PRKAG2: variants seen among roughly 807,000 people sequenced by gnomAD.
PRKAG2 encodes the protein 5'-AMP-activated protein kinase subunit gamma-2.
A neutral mutation model predicts 69.6 loss-of-function variants in PRKAG2; 26 were observed. That is an observed-to-expected ratio of 0.37 (90% CI 0.27 to 0.52). The LOEUF is 0.52. Among genes scored for constraint, PRKAG2 ranks in the 20% least tolerant of loss-of-function variants. PRKAG2 has a pLI of 0.90. For missense variants in PRKAG2, 557 were observed against 740.0 expected, an observed-to-expected ratio of 0.75 and a Z score of 2.87; for synonymous variants, 293 against 285.0, an observed-to-expected ratio of 1.03 and a Z score of -0.28.
At chr7:151,786,444 A>T (rs747048898) in intron 2 of PRKAG2, 26 bp downstream of exon 2, 1 of 1,594,500 alleles carries the variant, frequency 6.3e-7, no homozygotes, top group Non-Finnish European at 8.6e-7. Flanking sequence ...GTGAGCTGTG[A>T]GAAACTTCTG....
At chr7:151,704,955 C>T (rs570672880) in intron 3 of PRKAG2, among the ~76,000 whole-genome samples, 3 of 152,270 alleles carry the variant, frequency 2.0e-5, no homozygotes, top group South Asian at 2.1e-4. Context: ...AGTCCTGCCC[C>T]TGCTAGCCTC....
intron 6 of PRKAG2, among the ~76,000 whole-genome samples, chr7:151,588,535 G>A (rs898700326): frequency 5.7e-5 from 6 of 105,772 alleles, no homozygotes; most frequent in South Asian, 1.0e-3. Flanking sequence ...GCTAATTTTC[G>A]TAATTTTAGG....
intron 3 of PRKAG2, among the ~76,000 whole-genome samples, chr7:151,686,741 G>A (rs1834804295): frequency 6.6e-6 from 1 of 152,192 alleles, no homozygotes; most frequent in African/African-American, 2.4e-5. Context: ...AATGGCCCTG[G>A]CCCTAGCTGA....
At chr7:151,760,681 G>A (rs895349593) in intron 3 of PRKAG2, among the ~76,000 whole-genome samples, 16 of 152,014 alleles carry the variant, frequency 1.1e-4, no homozygotes, top group African/African-American at 2.7e-4. Context: ...GACTTCCCTC[G>A]CCATTCCATC....
chr7:151,698,235 G>A (rs1172454740), intron 3 of PRKAG2, among the ~76,000 whole-genome samples: 1 of 152,190 alleles, frequency 6.6e-6, no homozygotes, highest in Non-Finnish European at 1.5e-5. Context: ...ATGCCCCTGG[G>A]GGCACATTCA....
At position 151,781,516 on chromosome 7, in the gene PRKAG2, T is replaced by C. The variant is rs12374732; in HGVS notation, c.187-85A>G. On this transcript the variant is annotated intron_variant, in intron 2 of 15. Coordinates refer to ENST00000287878, the MANE Select transcript of PRKAG2 (RefSeq NM_016203.4). This position sits in a 1 kb window ranked among gnomAD's most constrained non-coding sequence, Gnocchi z 6.1. The stretch of plus-strand genomic sequence containing the variant: ...CCCTGTATGAAACTTATCATTGTCC[T>C]CTCTCACATGCGGGCCCCCCATAGT... 1,042,582 of 1,481,588 alleles carry C rather than the reference T, an allele frequency of 0.7. 369,320 individuals carry two copies. Among genetic ancestry groups the C allele is most frequent in the East Asian group, 0.89 (36,337 of 40,634 alleles). 91.8% of individuals were successfully genotyped at this position (1,481,588 alleles called of 1,614,324 possible).
At chr7:151,592,365 G>A (rs555187725) in intron 6 of PRKAG2, among the ~76,000 whole-genome samples, 1 of 152,188 alleles carries the variant, frequency 6.6e-6, no homozygotes, top group Non-Finnish European at 1.5e-5. Context: ...TGGATCCCCA[G>A]GGTGATTCCA....
At chr7:151,715,230 G>A (rs1795976919) in intron 3 of PRKAG2, among the ~76,000 whole-genome samples, 1 of 142,784 alleles carries the variant, frequency 7.0e-6, no homozygotes. Flanking sequence ...TGGCCAGGCT[G>A]GTCTCGAACT....
intron 4 of PRKAG2, among the ~76,000 whole-genome samples, chr7:151,663,118 C>T (rs1401404606): frequency 2.0e-5 from 3 of 152,130 alleles, no homozygotes; most frequent in Admixed American, 1.3e-4. Flanking sequence ...CTGAACAAGT[C>T]CCTCCTCTGG....
At chr7:151,800,941 C>T (rs1309847859) in intron 1 of PRKAG2, among the ~76,000 whole-genome samples, 1 of 152,148 alleles carries the variant, frequency 6.6e-6, no homozygotes. Context: ...GCTGCAGGGT[C>T]AGGGAGGGGC....
chr7:151,790,413 A>C (rs992907226), intron 1 of PRKAG2: 1 of 152,148 alleles, frequency 6.6e-6, no homozygotes, highest in African/African-American at 2.4e-5. Flanking sequence ...TTATTACCAG[A>C]CTGATAATCC....
intron 1 of PRKAG2, among the ~76,000 whole-genome samples, chr7:151,821,643 C>G (rs1423691104): frequency 6.6e-6 from 1 of 152,148 alleles, no homozygotes; most frequent in Non-Finnish European, 1.5e-5. Context: ...TATAACAATG[C>G]CCCTAAGCAA....
At chr7:151,796,740 G>A (rs1240089397) in intron 1 of PRKAG2, among the ~76,000 whole-genome samples, 3 of 152,162 alleles carry the variant, frequency 2.0e-5, no homozygotes, top group African/African-American at 4.8e-5. Context: ...GACACGGGGA[G>A]AGTGGTCATA....
At chr7:151,710,577 C>T (rs1378392711) in intron 3 of PRKAG2, among the ~76,000 whole-genome samples, 1 of 152,218 alleles carries the variant, frequency 6.6e-6, no homozygotes, top group Non-Finnish European at 1.5e-5. Context: ...GGAGCCCTGC[C>T]CTCTCCCTGC....
Position 151,632,362 on chromosome 7 carries a change from TGCCCCTCCGC to T in PRKAG2, c.685-234_685-225del, listed in dbSNP as rs1001151831. On this transcript the variant is annotated intron_variant, in intron 4 of 15. Transcript: ENST00000287878. The surrounding 1 kb of genome is among the most constrained non-coding windows in gnomAD (Gnocchi z 4.2). ...GCAGGTGGCGCGGCCGCGGCCCGCG[TGCCCCTCCGC>T]GAGTGGGACGCGCCGCTCCCCCCCG... is the stretch of plus-strand genomic sequence containing the variant. 1.6e-5 allele frequency: 8 copies of T among 506,592 alleles called. No homozygotes were observed. In the African/African-American group the frequency reaches 1.7e-4, roughly 11 times the overall value. 31.4% of individuals were successfully genotyped at this position (506,592 alleles called of 1,614,324 possible).
At chr7:151,695,081 T>C (rs982722881) in intron 3 of PRKAG2, among the ~76,000 whole-genome samples, 1 of 152,178 alleles carries the variant, frequency 6.6e-6, no homozygotes, top group African/African-American at 2.4e-5. Flanking sequence ...GTTGGAGGAA[T>C]CCTGCCAAGG....
intron 5 of PRKAG2, among the ~76,000 whole-genome samples, chr7:151,616,781 GAAGA>G (rs1403575753): frequency 6.6e-6 from 1 of 152,210 alleles, no homozygotes; most frequent in Non-Finnish European, 1.5e-5. Flanking sequence ...GAGAAGAGAA[GAAGA>G]AACATTCTAG....
chr7:151,610,103 C>T (rs1336641918), intron 5 of PRKAG2, among the ~76,000 whole-genome samples: 4 of 152,258 alleles, frequency 2.6e-5, no homozygotes, highest in Non-Finnish European at 4.4e-5. Flanking sequence ...GTGTGGCTCA[C>T]ATCTGTAATC....
At chr7:151,874,327 GTA>G (rs1401202991) in intron 1 of PRKAG2, among the ~76,000 whole-genome samples, 4 of 109,098 alleles carry the variant, frequency 3.7e-5, no homozygotes, top group Non-Finnish European at 7.2e-5. Flanking sequence ...TGATGTATAT[GTA>G]TATGATGTAT....
Sources: gnomAD v4.1 joint callset for allele counts (sites outside exome capture counted in the v4.1 genomes callset) on GRCh38, gnomAD v4.1.1 for gene constraint, Gnocchi (gnomAD v3.1) non-coding constraint, MANE v1.5 for transcripts, NCBI Gene and HGNC (gene_info 2026-07-23, HGNC 2026-07-21) for gene names.